CCDC7: variants seen among roughly 807,000 people sequenced by gnomAD.
CCDC7 encodes the protein coiled-coil domain containing 7.
Under a neutral mutation model 196.9 loss-of-function variants are expected in CCDC7, and 183 were observed. That is an observed-to-expected ratio of 0.93 (90% CI 0.82 to 1.05). The LOEUF (loss-of-function observed/expected upper bound fraction) is 1.05, where lower values mean the gene tolerates loss of function less well. CCDC7 is among the 50% of genes least tolerant of loss of function. CCDC7 has a pLI of 0.00. For synonymous variants in CCDC7, 525 were observed against 484.6 expected (o/e 1.08, Z -1.10); for missense variants, 1,540 against 1,482.2 (o/e 1.04, Z -0.64).
intron 25 of CCDC7, among the ~76,000 whole-genome samples, chr10:32,722,909 C>G (rs902525407): frequency 1.3e-5 from 2 of 152,064 alleles, no homozygotes; most frequent in African/African-American, 2.4e-5. Flanking sequence ...GTTATATGAC[C>G]ACCGTTCTTC....
Position 32,457,319 on chromosome 10 carries a change from C to T in CCDC7, c.456+985C>T, listed in dbSNP as rs181176500. ...GGGCTTTCCATGTTGCTGTGAATGACAGGATTTAATTCTTTTTTGGAATTA... is the reference window on the plus strand; with the variant it reads ...GGGCTTTCCATGTTGCTGTGAATGATAGGATTTAATTCTTTTTTGGAATTA... On this transcript the variant is annotated intron_variant, in intron 3 of 41. Transcript: ENST00000639629. 2.6e-4 allele frequency among the ~76,000 whole-genome samples: 40 copies of T among 152,240 alleles called. 1 individual carries two copies. Among genetic ancestry groups the T allele is most frequent in the African/African-American group, 9.4e-4 (39 of 41,556 alleles).
chr10:32,605,338 G>T (rs2061463574), intron 18 of CCDC7, among the ~76,000 whole-genome samples: 1 of 152,118 alleles, frequency 6.6e-6, no homozygotes, highest in African/African-American at 2.4e-5. Context: ...CCTAACACAG[G>T]AAATTGGTAC....
chr10:32,678,685 A>C (rs1339714302), intron 21 of CCDC7, among the ~76,000 whole-genome samples: 1 of 152,170 alleles, frequency 6.6e-6, no homozygotes, highest in African/African-American at 2.4e-5. Flanking sequence ...ACAGGCTGGG[A>C]AAAGTCCAAT....
chr10:32,730,505 T>TTA (rs758979250), intron 28 of CCDC7, among the ~76,000 whole-genome samples: 1 of 151,904 alleles, frequency 6.6e-6, no homozygotes, highest in Non-Finnish European at 1.5e-5. Flanking sequence ...TAAGGAAAAA[T>TTA]TTTAAATATA....
Position 32,787,454 on chromosome 10 carries a change from A to G in CCDC7, c.3013+8370A>G, listed in dbSNP as rs910798399. Among the ~76,000 whole-genome samples the G allele has an allele frequency of 3.9e-5, 6 of 152,242 alleles. No homozygotes were observed. In the East Asian group the frequency reaches 7.7e-4, roughly 20 times the overall value. ...CAGCACTTGAATGTAACGCAGATGT[A>G]AGAAAGATGCATTGAATAGGGGAGG... is the stretch of plus-strand genomic sequence containing the variant. On this transcript the variant is annotated intron_variant, in intron 29 of 41. Coordinates refer to ENST00000639629, the Ensembl canonical transcript of CCDC7.
At chr10:32,811,973 C>T (rs527676514) in intron 30 of CCDC7, among the ~76,000 whole-genome samples, 3 of 152,070 alleles carry the variant, frequency 2.0e-5, no homozygotes, top group East Asian at 3.9e-4. Flanking sequence ...CATATAATCA[C>T]CTCAGTAGAT....
chr10:32,614,710 G>A (rs550894874), intron 18 of CCDC7, among the ~76,000 whole-genome samples: 14 of 152,090 alleles, frequency 9.2e-5, no homozygotes, highest in Non-Finnish European at 2.1e-4. Context: ...TTCCACAGCT[G>A]GTACTCACAC....
chr10:32,529,886 GA>G (rs2049346028), intron 11 of CCDC7, among the ~76,000 whole-genome samples: 1 of 152,148 alleles, frequency 6.6e-6, no homozygotes, highest in South Asian at 2.1e-4. Context: ...TTATCTTCTA[GA>G]ATCTTTACGG....
chr10:32,685,415 TAGC>T, intron 21 of CCDC7, among the ~76,000 whole-genome samples: 1 of 152,294 alleles, frequency 6.6e-6, no homozygotes, highest in East Asian at 1.9e-4. Flanking sequence ...TTTAGGCTTT[TAGC>T]AGCCCAAAGC....
intron 18 of CCDC7, 22 bp from the exon 20 acceptor site, chr10:32,634,232 C>T: frequency 9.5e-7 from 1 of 1,057,588 alleles, no homozygotes; most frequent in Non-Finnish European, 1.2e-6. Flanking sequence ...ATTTGGTAGA[C>T]TAAATGAATC....
chr10:32,547,324 G>T (rs183955599), intron 13 of CCDC7, among the ~76,000 whole-genome samples: 4 of 152,222 alleles, frequency 2.6e-5, no homozygotes, highest in Non-Finnish European at 5.9e-5. Context: ...ACCATGCCTG[G>T]CTAGCTCACA....
At chr10:32,565,798 C>A (rs905044030) in intron 14 of CCDC7, among the ~76,000 whole-genome samples, 178 bp downstream of exon 15, 7 of 151,958 alleles carry the variant, frequency 4.6e-5, no homozygotes, top group Non-Finnish European at 7.4e-5. Context: ...ATTTAATATT[C>A]ATTCTTATCA....
chr10:32,793,077 C>T (rs2082977845), intron 29 of CCDC7, among the ~76,000 whole-genome samples: 1 of 152,086 alleles, frequency 6.6e-6, no homozygotes, highest in Non-Finnish European at 1.5e-5. Context: ...ACACCTTCTT[C>T]TTATTAGGGT....
chr10:32,505,862 C>T (rs529869967), intron 9 of CCDC7, among the ~76,000 whole-genome samples: 22 of 145,558 alleles, frequency 1.5e-4, no homozygotes, highest in Admixed American at 9.0e-4. Flanking sequence ...CAGAGGTGCT[C>T]CTCAGTTCCC....
At chr10:32,619,640 A>G (rs2063160725) in intron 18 of CCDC7, among the ~76,000 whole-genome samples, 1 of 152,188 alleles carries the variant, frequency 6.6e-6, no homozygotes, top group South Asian at 2.1e-4. Flanking sequence ...ATGCAAAAAT[A>G]GACAGATAAA....
At chr10:32,705,031 G>A (rs192025686) in intron 24 of CCDC7, among the ~76,000 whole-genome samples, 2 of 152,114 alleles carry the variant, frequency 1.3e-5, no homozygotes, top group African/African-American at 2.4e-5. Context: ...TGCACCCACT[G>A]TCCGACAATG....
At chr10:32,522,828 G>A (rs192064985) in intron 11 of CCDC7, among the ~76,000 whole-genome samples, 12 of 152,028 alleles carry the variant, frequency 7.9e-5, no homozygotes, top group African/African-American at 2.9e-4. Flanking sequence ...TACTGTTTTT[G>A]CTGTATCCCA....
chr10:32,655,622 G>A (rs907442354), intron 20 of CCDC7, among the ~76,000 whole-genome samples: 3 of 152,122 alleles, frequency 2.0e-5, no homozygotes, highest in African/African-American at 4.8e-5. Context: ...CACATTCTGG[G>A]TTCAAGTGAT....
intron 16 of CCDC7, among the ~76,000 whole-genome samples, chr10:32,577,488 G>A (rs2058331012): frequency 1.3e-5 from 2 of 152,116 alleles, no homozygotes; most frequent in African/African-American, 2.4e-5. Flanking sequence ...GTGCTCTATG[G>A]CCATGAAGAA....
Sources: allele counts gnomAD v4.1 joint callset (sites outside exome capture counted in the v4.1 genomes callset), GRCh38; gene constraint gnomAD v4.1.1; transcripts MANE v1.5; gene names NCBI Gene and HGNC (gene_info 2026-07-23, HGNC 2026-07-21).